The following LINGO2 variants were observed in gnomAD, a reference collection of about 807,000 sequenced individuals.
The protein encoded by LINGO2 is leucine rich repeat and Ig domain containing 2.
Under a neutral mutation model 30.6 loss-of-function variants are expected in LINGO2, and 14 were observed. That is an observed-to-expected ratio of 0.46 (90% CI 0.30 to 0.72). The LOEUF is 0.72. Among genes scored for constraint, LINGO2 ranks in the 30% least tolerant of loss-of-function variants. The pLI is 0.07. For missense variants in LINGO2, 729 were observed against 751.7 expected (o/e 0.97, Z 0.35); for synonymous variants, 317 against 288.5 (o/e 1.10, Z -1.00).
Position 28,368,138 on chromosome 9 carries a change from C to A in LINGO2, c.-246+4698G>T, listed in dbSNP as rs544059452. Among the ~76,000 whole-genome samples, 24 of 152,184 alleles carry A rather than the reference C, an allele frequency of 1.6e-4. 1 individual carries two copies. In the South Asian group the frequency reaches 5.0e-3, roughly 32 times the overall value. On this transcript the variant is annotated intron_variant, in intron 3 of 5. Coordinates refer to ENST00000379992, the Ensembl canonical transcript of LINGO2. ...TCTCATCATTTTGACAGTATTATAG[C>A]CTTTCCATTGTTTTCTATTACACCC...
intron 1 of LINGO2, among the ~76,000 whole-genome samples, chr9:28,655,159 T>A (rs1828279527): frequency 6.6e-6 from 1 of 152,000 alleles, no homozygotes; most frequent in African/African-American, 2.4e-5. Flanking sequence ...GAGTTGATCG[T>A]TTTATAAGGG....
chr9:28,609,684 A>T (rs1175299186), intron 1 of LINGO2, among the ~76,000 whole-genome samples: 2 of 152,098 alleles, frequency 1.3e-5, no homozygotes, highest in Non-Finnish European at 2.9e-5. Context: ...TGTAACTTAG[A>T]AAAGTCTTTG....
chr9:28,705,432 G>A, the LINGO2 span, among the ~76,000 whole-genome samples: 1 of 151,898 alleles, frequency 6.6e-6, no homozygotes, highest in Non-Finnish European at 1.5e-5. Context: ...TGTCTCCTTG[G>A]GACAGAATAG....
At chr9:28,146,684 C>T (rs1461200366) in intron 4 of LINGO2, among the ~76,000 whole-genome samples, 4 of 151,918 alleles carry the variant, frequency 2.6e-5, no homozygotes, top group Non-Finnish European at 4.4e-5. Flanking sequence ...GTCCAGACAC[C>T]CAAGAGTATG....
the LINGO2 span, among the ~76,000 whole-genome samples, chr9:28,768,432 G>C: frequency 2.0e-5 from 3 of 152,014 alleles, no homozygotes; most frequent in Non-Finnish European, 4.4e-5. Flanking sequence ...ATCTGATGTA[G>C]CAGACTGTTC....
chr9:29,209,835 C>T, the LINGO2 span, among the ~76,000 whole-genome samples: 4 of 152,166 alleles, frequency 2.6e-5, no homozygotes, highest in East Asian at 5.8e-4. Context: ...GAAATATTTA[C>T]ATAAATTGAG....
intron 1 of LINGO2, among the ~76,000 whole-genome samples, chr9:28,579,022 T>A (rs936725353): frequency 1.3e-5 from 2 of 150,838 alleles, no homozygotes; most frequent in Non-Finnish European, 2.9e-5. Context: ...TTTTGTAAGA[T>A]GTAATTATTT....
intron 4 of LINGO2, among the ~76,000 whole-genome samples, chr9:28,109,359 A>T (rs984985066): frequency 1.3e-5 from 2 of 152,014 alleles, no homozygotes; most frequent in African/African-American, 4.8e-5. Context: ...CTCTCTCACC[A>T]CTCCTGTTCA....
chr9:28,271,970 C>T (rs778484749), intron 4 of LINGO2, among the ~76,000 whole-genome samples: 1 of 152,164 alleles, frequency 6.6e-6, no homozygotes, highest in African/African-American at 2.4e-5. Context: ...GTCTCCAAAA[C>T]ACCTCATCGG....
At chr9:27,960,112 A>G (rs1819766257) in intron 5 of LINGO2, among the ~76,000 whole-genome samples, 2 of 152,252 alleles carry the variant, frequency 1.3e-5, no homozygotes, top group South Asian at 4.1e-4. Flanking sequence ...AGAAAATAAG[A>G]TATTCAAATA....
chr9:28,990,689 C>G, the LINGO2 span, among the ~76,000 whole-genome samples: 2 of 152,122 alleles, frequency 1.3e-5, no homozygotes, highest in African/African-American at 4.8e-5. Flanking sequence ...CAGCAGCATT[C>G]GCGGTTCACG....
chr9:28,290,931 C>T (rs2134167353), intron 4 of LINGO2, among the ~76,000 whole-genome samples: 1 of 152,184 alleles, frequency 6.6e-6, no homozygotes, highest in East Asian at 1.9e-4. Flanking sequence ...CCACCCCAAC[C>T]CCAGCAGCTC....
chr9:28,074,857 A>C (rs1038597082), intron 4 of LINGO2, among the ~76,000 whole-genome samples: 4 of 151,938 alleles, frequency 2.6e-5, no homozygotes, highest in African/African-American at 9.7e-5. Context: ...TATCAGAATA[A>C]GTGATAGGAG....
chr9:28,409,883 A>G (rs1822680167), intron 2 of LINGO2, among the ~76,000 whole-genome samples: 1 of 141,742 alleles, frequency 7.1e-6, no homozygotes, highest in African/African-American at 3.1e-5. Flanking sequence ...ATAGAGAGGG[A>G]GAAAGGCAGG....
intron 4 of LINGO2, among the ~76,000 whole-genome samples, chr9:28,105,711 C>T (rs1483476362): frequency 6.6e-6 from 1 of 151,712 alleles, no homozygotes; most frequent in Non-Finnish European, 1.5e-5. Flanking sequence ...ACAAGAGGAA[C>T]CTGTCTCACT....
At chr9:29,085,109 A>G in the LINGO2 span, among the ~76,000 whole-genome samples, 2 of 151,796 alleles carry the variant, frequency 1.3e-5, no homozygotes, top group Non-Finnish European at 2.9e-5. Context: ...TAAATGTGGG[A>G]ATTTGTTCCT....
intron 1 of LINGO2, among the ~76,000 whole-genome samples, chr9:28,582,338 C>G (rs1349617627): frequency 6.6e-6 from 1 of 152,042 alleles, no homozygotes; most frequent in Non-Finnish European, 1.5e-5. Context: ...GAGATAACTT[C>G]TAATCAGTTC....
At chr9:28,425,355 A>T (rs1490126660) in intron 2 of LINGO2, among the ~76,000 whole-genome samples, 1 of 150,406 alleles carries the variant, frequency 6.6e-6, no homozygotes, top group Non-Finnish European at 1.5e-5. Flanking sequence ...AAACACATAC[A>T]TATACACATA....
chr9:29,028,427 G>GGGGT, the LINGO2 span, among the ~76,000 whole-genome samples: 14,679 of 123,010 alleles, frequency 0.12, 1,009 homozygotes, highest in Non-Finnish European at 0.14. Flanking sequence ...TGTGGGGGGG[G>GGGGT]GTGAGAGAGA....
Sources: allele counts gnomAD v4.1 joint callset (sites outside exome capture counted in the v4.1 genomes callset), GRCh38; gene constraint gnomAD v4.1.1; transcripts MANE v1.5; gene names NCBI Gene and HGNC (gene_info 2026-07-23, HGNC 2026-07-21).